Variants in GFRA2 observed in about 807,000 individuals in gnomAD.
GFRA2 encodes the protein GDNF family receptor alpha-2.
In GFRA2, 17 loss-of-function variants were observed where a neutral mutation model predicts 48.3. The ratio of observed to expected loss-of-function variants is 0.35; its 90% CI spans 0.24 to 0.53. GFRA2 has a LOEUF of 0.53. Ranked by LOEUF, GFRA2 falls within the 20% of genes least tolerant of loss-of-function variation. GFRA2 has a pLI of 0.93. For synonymous variants in GFRA2, 305 were observed against 257.2 expected, an observed-to-expected ratio of 1.19 and a Z score of -1.78; for missense variants, 660 against 637.3, an observed-to-expected ratio of 1.04 and a Z score of -0.38.
At chr8:21,726,840 C>T (rs1397963123) in intron 4 of GFRA2, among the ~76,000 whole-genome samples, 2 of 150,628 alleles carry the variant, frequency 1.3e-5, no homozygotes, top group Non-Finnish European at 2.9e-5. Context: ...GCAAGCTCCA[C>T]TTCCCCAGTT....
intron 4 of GFRA2, among the ~76,000 whole-genome samples, chr8:21,720,012 C>A (rs558164410): frequency 1.3e-5 from 2 of 152,310 alleles, no homozygotes; most frequent in Admixed American, 6.5e-5. Context: ...GACCCAGACC[C>A]CCTCCCCAAT....
intron 4 of GFRA2, among the ~76,000 whole-genome samples, chr8:21,724,249 G>C (rs535877294): frequency 1.3e-5 from 2 of 152,246 alleles, no homozygotes; most frequent in African/African-American, 4.8e-5. Context: ...GGTGTTTCTT[G>C]GTGTTCCATC....
intron 2 of GFRA2, among the ~76,000 whole-genome samples, chr8:21,777,834 G>A (rs2117720565): frequency 6.6e-6 from 1 of 152,286 alleles, no homozygotes; most frequent in East Asian, 1.9e-4. Context: ...GCCCTGGGAG[G>A]CCATCTCACC....
intron 6 of GFRA2, among the ~76,000 whole-genome samples, chr8:21,703,227 T>C (rs1802571983): frequency 6.6e-6 from 1 of 151,760 alleles, no homozygotes; most frequent in Non-Finnish European, 1.5e-5. Flanking sequence ...GAAGTGTACA[T>C]GATGGGGAAC....
intron 3 of GFRA2, among the ~76,000 whole-genome samples, chr8:21,774,694 T>G (rs1377274165): frequency 6.6e-6 from 1 of 152,052 alleles, no homozygotes. Context: ...AAGGGTAAGA[T>G]AGAAGGGTGA....
rs747308817 is a variant in GFRA2, at chr8:21,693,395, C to T, written c.1278G>A (p.Thr426=). The T allele has an allele frequency of 3.4e-5, 54 of 1,608,276 alleles. No homozygotes were observed. Among genetic ancestry groups the T allele is most frequent in the East Asian group, 4.5e-5 (2 of 44,694 alleles). Residue 426 remains threonine, a synonymous_variant, in exon 9 of 9, where the codon ACG becomes ACA. Transcript: ENST00000524240. ...KELSMCFTEL[T]TNIIPGSNKV... ...TGTTACTCCCTGGGATGATATTTGTCGTGAGCTGAGTCCGCAGCAGGAGAA... is the reference window on the plus strand; with the variant it reads ...TGTTACTCCCTGGGATGATATTTGTTGTGAGCTGAGTCCGCAGCAGGAGAA...
intron 1 of GFRA2, among the ~76,000 whole-genome samples, chr8:21,805,644 C>T (rs1563272805): frequency 1.3e-5 from 2 of 152,140 alleles, no homozygotes; most frequent in Admixed American, 6.5e-5. Flanking sequence ...GGCTGGGAGT[C>T]GTAAAGCAAT....
At chr8:21,710,004 G>A (rs543462049) in intron 4 of GFRA2, among the ~76,000 whole-genome samples, 1 of 152,326 alleles carries the variant, frequency 6.6e-6, no homozygotes, top group South Asian at 2.1e-4. Flanking sequence ...AGCCAGCCAG[G>A]AAACAGAAGG....
intron 4 of GFRA2, among the ~76,000 whole-genome samples, chr8:21,710,598 C>A (rs1225313957): frequency 6.6e-6 from 1 of 152,178 alleles, no homozygotes; most frequent in African/African-American, 2.4e-5. Flanking sequence ...CAAAGCAGGG[C>A]AAGGCACTCA....
At chr8:21,712,017 G>A (rs1803064328) in intron 4 of GFRA2, among the ~76,000 whole-genome samples, 1 of 152,232 alleles carries the variant, frequency 6.6e-6, no homozygotes, top group African/African-American at 2.4e-5. Context: ...CAGATCAACA[G>A]GATCCCAAGG....
chr8:21,712,825 C>T (rs996983246), intron 4 of GFRA2, among the ~76,000 whole-genome samples: 8 of 152,288 alleles, frequency 5.3e-5, no homozygotes, highest in African/African-American at 1.9e-4. Flanking sequence ...GCCAACACAG[C>T]GAAACCCCAT....
intron 7 of GFRA2, among the ~76,000 whole-genome samples, chr8:21,699,199 C>T (rs944685934): frequency 6.6e-6 from 1 of 152,160 alleles, no homozygotes; most frequent in African/African-American, 2.4e-5. Context: ...ATGCACTGAC[C>T]GGTCTCTCAG....
At chr8:21,788,918 C>A, upstream of GFRA2, 2 of 490,550 alleles carry the variant, frequency 4.1e-6, no homozygotes, top group Non-Finnish European at 5.3e-6. Context: ...ACTCTCCCTG[C>A]TCCTCCCTCC....
rs200335020 is a variant in GFRA2, at chr8:21,777,504, A to G, written c.356-2449T>C. Among the ~76,000 whole-genome samples, 791 of 152,302 alleles carry G rather than the reference A, an allele frequency of 5.2e-3. 48 individuals are homozygous for G. The East Asian group carries it at 0.13, about 26-fold the overall frequency. ...GCCTGTTTCTGCCACAGAATTCACC[A>G]GTGAGAAATCCCGAGGTGTGAGCCA... On this transcript the variant is annotated intron_variant, in intron 2 of 8. Transcript: ENST00000524240.
rs553428283 is a variant in GFRA2 at position 21,705,987 on chromosome 8, G to A, written c.849C>T (p.Thr283=). Reference sequence around the variant, plus strand: ...CCTGGTAATTGTCCGCAGGGCAGCTGGTGACCGTCTGGTAGGAGGCTCGAC... The same window carrying A: ...CCTGGTAATTGTCCGCAGGGCAGCTAGTGACCGTCTGGTAGGAGGCTCGAC... ...ANCRASYQTV[T]SCPADNYQAC... is the part of the protein sequence containing the mutation. The change falls in exon 5 of 9, where the codon ACC becomes ACT. Residue 283 remains threonine (T), a synonymous_variant. Coordinates refer to ENST00000524240, the MANE Select transcript of GFRA2 (RefSeq NM_001495.5). 4.4e-6 allele frequency: 7 copies of A among 1,580,858 alleles called. No individual in the cohort carries two copies. Among genetic ancestry groups the A allele is most frequent in the Non-Finnish European group, 6.0e-6 (7 of 1,163,210 alleles).
At chr8:21,713,042 A>AGAC (rs1803146012) in intron 4 of GFRA2, among the ~76,000 whole-genome samples, 4 of 131,124 alleles carry the variant, frequency 3.1e-5, no homozygotes, top group African/African-American at 1.4e-4. Context: ...GAGACGAGGG[A>AGAC]GAGGGAGAGG....
At chr8:21,711,441 G>C (rs1170463653) in intron 4 of GFRA2, among the ~76,000 whole-genome samples, 2 of 152,166 alleles carry the variant, frequency 1.3e-5, no homozygotes, top group Non-Finnish European at 2.9e-5. Flanking sequence ...GCAGCAGGTG[G>C]ATCTGTCTGG....
intron 1 of GFRA2, among the ~76,000 whole-genome samples, chr8:21,787,833 C>T (rs1296953044): frequency 3.3e-5 from 5 of 152,184 alleles, no homozygotes; most frequent in African/African-American, 1.2e-4. Context: ...GCTATACTGG[C>T]GTGTGAGCGA....
chr8:21,791,813 T>C (rs951670967), upstream of GFRA2, among the ~76,000 whole-genome samples: 2 of 152,028 alleles, frequency 1.3e-5, no homozygotes, highest in Admixed American at 6.6e-5. Context: ...AAGGGGCAAA[T>C]GAGAAGCAGA....
Sources: allele counts gnomAD v4.1 joint callset (sites outside exome capture counted in the v4.1 genomes callset), GRCh38; gene constraint gnomAD v4.1.1; transcripts MANE v1.5; gene names NCBI Gene and HGNC (gene_info 2026-07-23, HGNC 2026-07-21).